The following ZFAT variants were observed in gnomAD, a reference collection of about 807,000 sequenced individuals.
ZFAT encodes the protein zinc finger protein ZFAT.
Under a neutral mutation model 117.7 loss-of-function variants are expected in ZFAT, and 64 were observed. The observed-to-expected ratio is 0.54, with a 90% CI of 0.44 to 0.67. The LOEUF (loss-of-function observed/expected upper bound fraction) is 0.67. Among genes scored for constraint, ZFAT ranks in the 30% least tolerant of loss-of-function variants. ZFAT has a pLI of 0.00. For synonymous variants in ZFAT, 679 were observed against 615.0 expected (o/e 1.10, Z -1.54); for missense variants, 1,433 against 1,584.5 (o/e 0.90, Z 1.62).
chr8:134,741,856 GA>G, the ZFAT span, among the ~76,000 whole-genome samples: 1,515 of 139,812 alleles, frequency 0.011, 24 homozygotes, highest in African/African-American at 0.037. Context: ...CCAGTCACTT[GA>G]AAAAAAAAAA....
chr8:134,626,036 A>G (rs1193419002), intron 3 of ZFAT, among the ~76,000 whole-genome samples: 1 of 152,190 alleles, frequency 6.6e-6, no homozygotes, highest in Non-Finnish European at 1.5e-5. Flanking sequence ...GTGACCTCCA[A>G]GATGCTGAGG....
chr8:134,487,494 A>C (rs1563762778), intron 15 of ZFAT, among the ~76,000 whole-genome samples: 1 of 152,112 alleles, frequency 6.6e-6, no homozygotes, highest in Non-Finnish European at 1.5e-5. Context: ...CTGGAATTTG[A>C]AGCCAAGTGA....
At chr8:134,508,600 C>T (rs939079254) in intron 15 of ZFAT, among the ~76,000 whole-genome samples, 1 of 152,202 alleles carries the variant, frequency 6.6e-6, no homozygotes, top group African/African-American at 2.4e-5. Flanking sequence ...CCCCACTCCT[C>T]TCCCACTTCC....
chr8:134,561,947 T>C (rs1216856980), intron 11 of ZFAT, among the ~76,000 whole-genome samples: 2 of 152,182 alleles, frequency 1.3e-5, no homozygotes, highest in African/African-American at 2.4e-5. Flanking sequence ...CCGGAACCCG[T>C]AAATATGTTA....
the ZFAT span, among the ~76,000 whole-genome samples, chr8:134,774,053 C>A: frequency 7.7e-6 from 1 of 129,336 alleles, no homozygotes; most frequent in Non-Finnish European, 1.5e-5. Flanking sequence ...TGGAGTGCAG[C>A]GGCACGATCT....
intron 4 of ZFAT, among the ~76,000 whole-genome samples, chr8:134,609,690 A>G (rs9324427): frequency 0.065 from 9,940 of 152,278 alleles, 1,114 homozygotes; most frequent in African/African-American, 0.23. Flanking sequence ...AAGCGCATAG[A>G]GAAAAAATAT....
chr8:134,482,238 T>C (rs184235302), intron 15 of ZFAT, among the ~76,000 whole-genome samples: 1 of 152,266 alleles, frequency 6.6e-6, no homozygotes, highest in Admixed American at 6.5e-5. Flanking sequence ...CTCCAGATCA[T>C]ACCTCCGTCT....
chr8:134,717,205 A>T (rs1814221176), upstream of ZFAT, among the ~76,000 whole-genome samples: 1 of 152,104 alleles, frequency 6.6e-6, no homozygotes, highest in African/African-American at 2.4e-5. Context: ...TGGACCCAAG[A>T]CTTCATGCAC....
At chr8:134,531,431 T>C (rs1821394036) in intron 12 of ZFAT, among the ~76,000 whole-genome samples, 1 of 152,342 alleles carries the variant, frequency 6.6e-6, no homozygotes, top group Non-Finnish European at 1.5e-5. Flanking sequence ...AATAATGCGA[T>C]GGCTCCACAA....
intron 15 of ZFAT, among the ~76,000 whole-genome samples, chr8:134,481,032 C>T (rs118027023): frequency 3.9e-4 from 59 of 152,262 alleles, no homozygotes; most frequent in Admixed American, 7.8e-4. Flanking sequence ...AGCTGGAGAG[C>T]TATTCTGAGT....
At chr8:134,728,545 AC>A in the ZFAT span, among the ~76,000 whole-genome samples, 1 of 152,012 alleles carries the variant, frequency 6.6e-6, no homozygotes, top group African/African-American at 2.4e-5. Context: ...CCAGGGCACC[AC>A]TCTGGAGGGT....
At chr8:134,658,247 G>A (rs569764518) in intron 1 of ZFAT, among the ~76,000 whole-genome samples, 8 of 149,654 alleles carry the variant, frequency 5.3e-5, no homozygotes, top group African/African-American at 7.4e-5. Flanking sequence ...TGAGGCAGGA[G>A]GATGGCGTGA....
chr8:134,766,769 A>T, the ZFAT span: 1 of 152,224 alleles, frequency 6.6e-6, no homozygotes, highest in South Asian at 2.1e-4. Flanking sequence ...ACTGAAACAC[A>T]GAGGTTAGGC....
chr8:134,550,226 T>C (rs544147971), intron 11 of ZFAT, among the ~76,000 whole-genome samples: 9 of 151,328 alleles, frequency 5.9e-5, no homozygotes, highest in African/African-American at 2.2e-4. Context: ...TCTTTTAATA[T>C]ATTTTTTGCT....
At position 134,478,425 on chromosome 8, in the gene ZFAT, T is replaced by C. The variant is rs1286441182; in HGVS notation, c.*57A>G. ...GGCAGGAAGGGTGGCCTCCCCACCC[T>C]GGGTGCCTGCAGAGCCTGGCAGCCC... is the stretch of plus-strand genomic sequence containing the variant. On this transcript the variant is annotated 3_prime_UTR_variant, in exon 16 of 16. Coordinates refer to ENST00000377838, the MANE Select transcript of ZFAT (RefSeq NM_020863.4). The surrounding 1 kb of genome is among the most constrained non-coding windows in gnomAD (Gnocchi z 5.2). 11 of 1,527,944 alleles carry C rather than the reference T, an allele frequency of 7.2e-6. No individual in the cohort carries two copies. Among genetic ancestry groups the C allele is most frequent in the East Asian group, 2.5e-5 (1 of 40,520 alleles). The allele number at this position is 1,527,944 out of a possible 1,614,324, so 94.6% of individuals were successfully genotyped here.
chr8:134,710,798 G>C (rs1813964396), intron 1 of ZFAT, among the ~76,000 whole-genome samples: 1 of 152,192 alleles, frequency 6.6e-6, no homozygotes. Context: ...AAGCAAAGGT[G>C]TCACTATCTC....
chr8:134,509,675 T>C lies in ZFAT; in HGVS notation c.3436A>G (p.Thr1146Ala), dbSNP rs1382954163. ...IELGAETHDA[T>A]ALASVVAMAP... ...ATGGCAACCACCGAGGCAAGGGCAG[T>C]GGCGTCATGGGTCTCGGCGCCCAGC... Residue 1146 changes from threonine to alanine, a missense_variant, in exon 15 of 16, where the codon ACT becomes GCT. Transcript: ENST00000377838. 2 of 1,611,080 alleles carry C rather than the reference T, an allele frequency of 1.2e-6. No individual in the cohort carries two copies. Among genetic ancestry groups the C allele is most frequent in the East Asian group, 2.2e-5 (1 of 44,662 alleles).
rs556040141 is a variant in ZFAT, at chr8:134,563,433, C to G, written c.2976+1900G>C. On this transcript the variant is annotated intron_variant, in intron 11 of 15. Coordinates refer to ENST00000377838, the MANE Select transcript of ZFAT (RefSeq NM_020863.4). Reference sequence around the variant, plus strand: ...ATTGAAGGCGTACCAGCAGATCCCTCCGAGCCTCCCTCTGACACTCAATGT... The same window carrying G: ...ATTGAAGGCGTACCAGCAGATCCCTGCGAGCCTCCCTCTGACACTCAATGT... Among the ~76,000 whole-genome samples the G allele has an allele frequency of 3.9e-5, 6 of 152,324 alleles. No homozygotes were observed. The East Asian group carries it at 7.7e-4, about 20-fold the overall frequency.
the ZFAT span, among the ~76,000 whole-genome samples, chr8:134,831,482 C>T: frequency 2.0e-5 from 3 of 152,230 alleles, no homozygotes; most frequent in Admixed American, 6.5e-5. Context: ...TGGTCCCCAT[C>T]CAGACGGGTG....
Sources: gnomAD v4.1 joint callset for allele counts (sites outside exome capture counted in the v4.1 genomes callset) on GRCh38, gnomAD v4.1.1 for gene constraint, Gnocchi (gnomAD v3.1) non-coding constraint, MANE v1.5 for transcripts, NCBI Gene and HGNC (gene_info 2026-07-23, HGNC 2026-07-21) for gene names.